Variants in SPMIP2 observed in about 807,000 individuals in gnomAD.
The protein encoded by SPMIP2 is protein SPMIP2.
At chr4:159,024,495 A>G in the SPMIP2 span, among the ~76,000 whole-genome samples, 1 of 152,126 alleles carries the variant, frequency 6.6e-6, no homozygotes, top group South Asian at 2.1e-4. Flanking sequence ...CTGGCGTTCA[A>G]CTTGTGCTAC....
chr4:158,950,247 G>A, the SPMIP2 span, among the ~76,000 whole-genome samples: 1 of 152,186 alleles, frequency 6.6e-6, no homozygotes, highest in Non-Finnish European at 1.5e-5. Flanking sequence ...TAATTCCACT[G>A]ATTTAATAAT....
chr4:159,010,608 T>A, the SPMIP2 span, among the ~76,000 whole-genome samples: 1 of 152,222 alleles, frequency 6.6e-6, no homozygotes, highest in Non-Finnish European at 1.5e-5. Flanking sequence ...GCTCTTCAAT[T>A]TATTAACATC....
At chr4:158,986,488 A>G in the SPMIP2 span, among the ~76,000 whole-genome samples, 2 of 149,636 alleles carry the variant, frequency 1.3e-5, no homozygotes, top group Non-Finnish European at 3.0e-5. Context: ...CCGCATATCT[A>G]CAGCTATCTG....
chr4:159,070,659 T>G, the SPMIP2 span, among the ~76,000 whole-genome samples: 1 of 152,356 alleles, frequency 6.6e-6, no homozygotes. Context: ...CCTTCACACA[T>G]AAGTCTTATT....
the SPMIP2 span, among the ~76,000 whole-genome samples, chr4:158,989,429 C>A: frequency 6.6e-6 from 1 of 152,104 alleles, no homozygotes; most frequent in Non-Finnish European, 1.5e-5. Context: ...CCAAGAAAAT[C>A]TTGAGCAAAA....
At chr4:158,944,860 C>T in the SPMIP2 span, among the ~76,000 whole-genome samples, 1 of 152,190 alleles carries the variant, frequency 6.6e-6, no homozygotes, top group African/African-American at 2.4e-5. Flanking sequence ...CTATCATTCT[C>T]CTGGGCTGCC....
At chr4:159,033,970 A>G in the SPMIP2 span, among the ~76,000 whole-genome samples, 1 of 152,024 alleles carries the variant, frequency 6.6e-6, no homozygotes, top group Non-Finnish European at 1.5e-5. Flanking sequence ...TAAAAGTACA[A>G]AATAAATAAA....
At chr4:159,054,661 C>T in the SPMIP2 span, among the ~76,000 whole-genome samples, 1 of 152,154 alleles carries the variant, frequency 6.6e-6, no homozygotes, top group Admixed American at 6.5e-5. Flanking sequence ...GGGCGCTACA[C>T]ACAAAATGGA....
the SPMIP2 span, among the ~76,000 whole-genome samples, chr4:158,956,102 C>G: frequency 2.6e-5 from 4 of 152,324 alleles, no homozygotes; most frequent in East Asian, 3.9e-4. Flanking sequence ...GCTGCTATAG[C>G]CTTCTATAGG....
the SPMIP2 span, among the ~76,000 whole-genome samples, chr4:159,010,189 A>G: frequency 2.6e-5 from 4 of 152,126 alleles, no homozygotes; most frequent in Admixed American, 1.3e-4. Flanking sequence ...AAATTCAGTT[A>G]TACTGTACAC....
chr4:158,896,235 C>T, the SPMIP2 span, among the ~76,000 whole-genome samples: 1 of 152,120 alleles, frequency 6.6e-6, no homozygotes, highest in Admixed American at 6.5e-5. Flanking sequence ...CATTTCACTT[C>T]CTGGAGGAGG....
At chr4:159,081,017 C>A in the SPMIP2 span, among the ~76,000 whole-genome samples, 16 of 151,090 alleles carry the variant, frequency 1.1e-4, no homozygotes, top group African/African-American at 3.6e-4. Context: ...ATGACTGTGC[C>A]CGGACTCTTT....
At chr4:159,047,531 A>G in the SPMIP2 span, among the ~76,000 whole-genome samples, 214 of 152,306 alleles carry the variant, frequency 1.4e-3, 2 homozygotes, top group East Asian at 0.036. Flanking sequence ...CTTATCATAC[A>G]TGCTTAGAAA....
chr4:158,983,466 G>C, the SPMIP2 span, among the ~76,000 whole-genome samples: 1 of 151,730 alleles, frequency 6.6e-6, no homozygotes, highest in Non-Finnish European at 1.5e-5. Context: ...GGATCTCTCG[G>C]CAGAAACTCT....
At chr4:159,006,435 G>T in the SPMIP2 span, among the ~76,000 whole-genome samples, 1 of 152,158 alleles carries the variant, frequency 6.6e-6, no homozygotes, top group African/African-American at 2.4e-5. Context: ...AGTTCATCTT[G>T]TTACTCATCC....
chr4:158,895,489 G>GA, the SPMIP2 span, among the ~76,000 whole-genome samples: 3 of 152,020 alleles, frequency 2.0e-5, no homozygotes, highest in African/African-American at 7.2e-5. Context: ...TTTCAACTAT[G>GA]AAAAAAATAC....
the SPMIP2 span, among the ~76,000 whole-genome samples, chr4:158,944,044 C>A: frequency 2.0e-5 from 3 of 151,772 alleles, no homozygotes; most frequent in Non-Finnish European, 4.4e-5. Context: ...TTAGTAGAGA[C>A]AGGGTTTCAC....
At chr4:159,035,605 C>A in the SPMIP2 span, among the ~76,000 whole-genome samples, 2 of 152,190 alleles carry the variant, frequency 1.3e-5, no homozygotes, top group Admixed American at 6.5e-5. Context: ...TACACACACA[C>A]AAATATATAT....
At chr4:158,896,951 C>T in the SPMIP2 span, among the ~76,000 whole-genome samples, 27 of 152,090 alleles carry the variant, frequency 1.8e-4, no homozygotes, top group East Asian at 4.4e-3. Flanking sequence ...ACCCATCAAC[C>T]CGTCATCTAC....
Sources: allele counts gnomAD v4.1 joint callset (sites outside exome capture counted in the v4.1 genomes callset), GRCh38; gene constraint gnomAD v4.1.1; transcripts MANE v1.5; gene names NCBI Gene and HGNC (gene_info 2026-07-23, HGNC 2026-07-21).